Variants in FBXO16 observed in about 807,000 individuals in gnomAD.
The protein encoded by FBXO16 is F-box protein 16.
FBXO16 carries 31 observed loss-of-function variants against 41.0 expected under a neutral mutation model. That is an observed-to-expected ratio of 0.76 (90% CI 0.57 to 1.02). The LOEUF is 1.02. Among genes scored for constraint, FBXO16 ranks in the 50% least tolerant of loss-of-function variants. The pLI, the probability that FBXO16 is intolerant of heterozygous loss-of-function variation, is 0.00. For missense variants in FBXO16, 361 were observed against 346.2 expected, an observed-to-expected ratio of 1.04 and a Z score of -0.34; for synonymous variants, 133 against 117.8, an observed-to-expected ratio of 1.13 and a Z score of -0.84.
chr8:28,444,182 G>A (rs770968998), intron 7 of FBXO16, among the ~76,000 whole-genome samples: 1 of 152,146 alleles, frequency 6.6e-6, no homozygotes, highest in East Asian at 1.9e-4. Context: ...TGTGTCTAGT[G>A]TAACAAATTC....
intron 5 of FBXO16, 55 bp from the exon 6 acceptor site, chr8:28,452,531 TG>T (rs1372862826): frequency 1.3e-6 from 2 of 1,556,802 alleles, no homozygotes; most frequent in African/African-American, 1.4e-5. Flanking sequence ...CTGGGTGCGG[TG>T]GCTCACGCCT....
chr8:28,471,447 CTCTTTCTT>C (rs146141472), intron 3 of FBXO16, among the ~76,000 whole-genome samples: 2 of 145,064 alleles, frequency 1.4e-5, no homozygotes, highest in Admixed American at 6.7e-5. Context: ...TCCTTCCTCT[CTCTTTCTT>C]TCTTTCGAAA....
At chr8:28,445,240 C>G (rs77870571) in intron 7 of FBXO16, among the ~76,000 whole-genome samples, 1 of 152,194 alleles carries the variant, frequency 6.6e-6, no homozygotes, top group Admixed American at 6.5e-5. Context: ...TCTTCTCTCA[C>G]TGCTTAATGT....
chr8:28,440,702 G>A (rs1382992297), intron 7 of FBXO16, among the ~76,000 whole-genome samples: 1 of 152,200 alleles, frequency 6.6e-6, no homozygotes, highest in Non-Finnish European at 1.5e-5. Flanking sequence ...GCAGAGCACA[G>A]GAAAAGATAA....
At position 28,452,245 on chromosome 8, in the gene FBXO16, C is replaced by T. The variant is rs1802965706; in HGVS notation, c.739G>A (p.Gly247Arg). The change falls in exon 6 of 9, where the codon GGA (glycine) becomes AGA (arginine). Residue 247 changes from glycine to arginine, a missense_variant and splice_region_variant. Coordinates refer to ENST00000380254, the MANE Select transcript of FBXO16 (RefSeq NM_172366.4). The part of the protein sequence containing the change: ...NRDPMETVQQ[G>R]RRKRNQMTPD... ...TGAGAAGAGCATGGAGCTTCTTACC[C>T]TTGCTGGACAGTCTCCATGGGGTCA... The T allele has an allele frequency of 1.9e-6, 3 of 1,613,152 alleles. No individual in the cohort carries two copies. Among genetic ancestry groups the T allele is most frequent in the Admixed American group, 1.7e-5 (1 of 59,892 alleles).
intron 7 of FBXO16, among the ~76,000 whole-genome samples, chr8:28,441,933 TGTGTGTGTGTGTA>T (rs1352536435): frequency 1.6e-5 from 2 of 126,514 alleles, no homozygotes; most frequent in Non-Finnish European, 3.1e-5. Flanking sequence ...TGTGTGTGTG[TGTGTGTGTGTGTA>T]TTTTTTTTTT....
At chr8:28,437,223 C>T (rs925999144) in intron 7 of FBXO16, among the ~76,000 whole-genome samples, 1 of 152,088 alleles carries the variant, frequency 6.6e-6, no homozygotes, top group Non-Finnish European at 1.5e-5. Context: ...AAACAAATAG[C>T]CATTTGGCAT....
rs78256701 is a variant in FBXO16, at chr8:28,486,504, G to A, written c.-16-3042C>T. Among the ~76,000 whole-genome samples the A allele has an allele frequency of 3.1e-3, 472 of 149,910 alleles. 10 individuals are homozygous for A. The East Asian group carries it at 0.047, about 15-fold the overall frequency. ...CTCCCAAAGTGCTGGGATTACAGGC[G>A]TAAGCCACCGCCGCGCCTGGGCTAC... On this transcript the variant is annotated intron_variant, in intron 1 of 8. Coordinates refer to ENST00000380254, the MANE Select transcript of FBXO16 (RefSeq NM_172366.4).
At chr8:28,453,300 C>T (rs1802985876) in intron 5 of FBXO16, among the ~76,000 whole-genome samples, 1 of 149,688 alleles carries the variant, frequency 6.7e-6, no homozygotes, top group Non-Finnish European at 1.5e-5. Context: ...CTGCCATTGT[C>T]TAGTTTGTCA....
At chr8:28,486,937 C>T (rs188217249) in intron 1 of FBXO16, among the ~76,000 whole-genome samples, 171 of 152,120 alleles carry the variant, frequency 1.1e-3, no homozygotes, top group African/African-American at 4.0e-3. Context: ...ATGAATTCTC[C>T]CCCTAGAAAA....
At chr8:28,451,157 C>G (rs910367000) in intron 6 of FBXO16, among the ~76,000 whole-genome samples, 2 of 152,048 alleles carry the variant, frequency 1.3e-5, no homozygotes, top group African/African-American at 4.8e-5. Flanking sequence ...AGGAGCTCCA[C>G]CAGGAAACCC....
rs10708340 is a variant in FBXO16 at position 28,488,293 on chromosome 8, C to CTTT, written c.-17+1890_-17+1892dup. Among the ~76,000 whole-genome samples, 221 of 96,226 alleles carry CTTT rather than the reference C, an allele frequency of 2.3e-3. 5 individuals are homozygous for CTTT. The highest frequency in any genetic ancestry group is 6.5e-3 in the African/African-American group (163 of 25,046). 63.1% of individuals were successfully genotyped at this position (96,226 alleles called of 152,430 possible). ...ATACTTCCAATTTGATCTTCTAAGC[C>CTTT]TTTTTTTTTTTTTTTTTTTTTTTGA... is the stretch of plus-strand genomic sequence containing the variant. On this transcript the variant is annotated intron_variant, in intron 1 of 8. Transcript: ENST00000380254.
At position 28,458,544 on chromosome 8, in the gene FBXO16, C is replaced by CTTTTTTT. The variant is rs34617439; in HGVS notation, c.343-1621_343-1615dup. Among the ~76,000 whole-genome samples the CTTTTTTT allele has an allele frequency of 1.1e-3, 96 of 87,580 alleles. 1 individual carries two copies. The highest frequency in any genetic ancestry group is 1.6e-3 in the African/African-American group (40 of 25,082). The allele number at this position is 87,580 out of a possible 152,430, so 57.5% of individuals were successfully genotyped here. ...TTCCTTTTCTCCTCTTCTTCTTCTT[C>CTTTTTTT]TTTTTTTTTTTTTTTTTTTTTTTTT... is the stretch of plus-strand genomic sequence containing the variant. On this transcript the variant is annotated intron_variant, in intron 4 of 8. Transcript: ENST00000380254.
chr8:28,473,670 T>C (rs2130181124), intron 3 of FBXO16, 102 bp downstream of exon 3: 1 of 970,540 alleles, frequency 1.0e-6, no homozygotes, highest in East Asian at 2.4e-5. Context: ...GTAAAATATG[T>C]CTGTTATTTA....
chr8:28,435,220 G>C (rs1357040741), intron 7 of FBXO16, among the ~76,000 whole-genome samples: 1 of 151,038 alleles, frequency 6.6e-6, no homozygotes, highest in Non-Finnish European at 1.5e-5. Flanking sequence ...GCCCAGGCTG[G>C]AGTGCAATGG....
At chr8:28,489,048 A>C (rs973219044) in intron 1 of FBXO16, among the ~76,000 whole-genome samples, 3 of 152,192 alleles carry the variant, frequency 2.0e-5, no homozygotes, top group Admixed American at 2.0e-4. Context: ...ACAGCAGTGC[A>C]AGTGGGGAGC....
chr8:28,449,193 G>A (rs1802912382), intron 6 of FBXO16: 1 of 151,638 alleles, frequency 6.6e-6, no homozygotes, highest in Admixed American at 6.6e-5. Flanking sequence ...TGGGATAAAT[G>A]ATCTGATAGT....
chr8:28,428,650 G>T lies in FBXO16; in HGVS notation c.*77C>A. The T allele has an allele frequency of 6.4e-7, 1 of 1,558,610 alleles. No homozygotes were observed. The highest frequency in any genetic ancestry group is 8.7e-7 in the Non-Finnish European group (1 of 1,151,284). ...GCTGCATGAGAATTTCAGCTGTGGT[G>T]GCAGTGTCTGGGAGTCCCACTGACT... On this transcript the variant is annotated 3_prime_UTR_variant, in exon 9 of 9. Coordinates refer to ENST00000380254, the MANE Select transcript of FBXO16 (RefSeq NM_172366.4).
intron 7 of FBXO16, among the ~76,000 whole-genome samples, chr8:28,438,655 C>T (rs1205718021): frequency 2.0e-5 from 3 of 152,182 alleles, no homozygotes; most frequent in Non-Finnish European, 2.9e-5. Flanking sequence ...AATTCAGTGA[C>T]GTTCGTTAGT....
Sources: gnomAD v4.1 joint callset for allele counts (sites outside exome capture counted in the v4.1 genomes callset) on GRCh38, gnomAD v4.1.1 for gene constraint, MANE v1.5 for transcripts, NCBI Gene and HGNC (gene_info 2026-07-23, HGNC 2026-07-21) for gene names.